The following PFKFB3 variants were observed in gnomAD, a reference collection of about 807,000 sequenced individuals.
PFKFB3 encodes the protein 6-phosphofructo-2-kinase/fructose-2,6-biphosphatase 3, also known as 6-phosphofructo-2-kinase/fructose-2,6-bisphosphatase 3.
PFKFB3 carries 33 observed loss-of-function variants against 68.0 expected under a neutral mutation model. The ratio of observed to expected loss-of-function variants is 0.49; its 90% CI spans 0.37 to 0.65. The LOEUF (loss-of-function observed/expected upper bound fraction) is 0.65, where lower values mean the gene tolerates loss of function less well. Ranked by LOEUF, PFKFB3 falls within the 30% of genes least tolerant of loss-of-function variation. The pLI is 0.00. For synonymous variants in PFKFB3, 315 were observed against 288.2 expected, an observed-to-expected ratio of 1.09 and a Z score of -0.94; for missense variants, 586 against 712.2, an observed-to-expected ratio of 0.82 and a Z score of 2.02.
intron 1 of PFKFB3, among the ~76,000 whole-genome samples, chr10:6,192,357 T>A (rs542170906): frequency 7.2e-6 from 1 of 138,950 alleles, no homozygotes; most frequent in Admixed American, 7.9e-5. Context: ...CGTTTTTTTT[T>A]TCTTTCTTCT....
At chr10:6,294,849 T>C in the PFKFB3 span, among the ~76,000 whole-genome samples, 1 of 152,360 alleles carries the variant, frequency 6.6e-6, no homozygotes, top group South Asian at 2.1e-4. Flanking sequence ...GTCCAACTTT[T>C]CCATTAGAGC....
At chr10:6,177,438 C>CTCTTTTTCTTTCTT (rs1554842949) in intron 1 of PFKFB3, among the ~76,000 whole-genome samples, 4 of 86,628 alleles carry the variant, frequency 4.6e-5, no homozygotes, top group Admixed American at 1.5e-4. Context: ...TCTTTTCTTT[C>CTCTTTTTCTTTCTT]TCTTTCTTTC....
intron 1 of PFKFB3, among the ~76,000 whole-genome samples, chr10:6,175,585 G>A (rs888827124): frequency 3.3e-5 from 5 of 152,106 alleles, no homozygotes; most frequent in Admixed American, 6.6e-5. Flanking sequence ...GCTCTTATCC[G>A]GGAACAGTGT....
At chr10:6,312,362 C>T in the PFKFB3 span, among the ~76,000 whole-genome samples, 1 of 152,128 alleles carries the variant, frequency 6.6e-6, no homozygotes, top group African/African-American at 2.4e-5. Flanking sequence ...CTGTCCTCAT[C>T]TCTCACCACT....
intron 1 of PFKFB3, among the ~76,000 whole-genome samples, chr10:6,182,569 G>A (rs1171074348): frequency 1.3e-5 from 2 of 152,248 alleles, no homozygotes; most frequent in Non-Finnish European, 2.9e-5. Context: ...TTCATCACAA[G>A]TGCAAAGCTT....
At position 6,228,323 on chromosome 10, in the gene PFKFB3, T is replaced by C. The variant is rs1049135109; in HGVS notation, c.1515+1958T>C. ...ATTGAGGATGAGAGCAGTTTTGTGA[T>C]GTGAGGTCTTCCGTGGGGGAAGGAG... On this transcript the variant is annotated intron_variant, in intron 14 of 14. Coordinates refer to ENST00000379775, the MANE Select transcript of PFKFB3 (RefSeq NM_004566.4). This position sits in a 1 kb window ranked among gnomAD's most constrained non-coding sequence, Gnocchi z 4.5. The C allele has an allele frequency of 8.9e-6, 11 of 1,242,084 alleles. No individual in the cohort carries two copies. Among genetic ancestry groups the C allele is most frequent in the East Asian group, 7.0e-5 (3 of 43,140 alleles). The allele number at this position is 1,242,084 out of a possible 1,614,324, so 76.9% of individuals were successfully genotyped here. A position where few individuals can be genotyped will look rare whatever the true frequency, so the allele number is the denominator to read the frequency against.
At chr10:6,326,560 G>A in the PFKFB3 span, 1 of 456,062 alleles carries the variant, frequency 2.2e-6, no homozygotes, top group Non-Finnish European at 4.4e-6. Flanking sequence ...GGAGTTACCA[G>A]TAAGGAGCTC....
At chr10:6,303,997 A>G in the PFKFB3 span, among the ~76,000 whole-genome samples, 1 of 152,054 alleles carries the variant, frequency 6.6e-6, no homozygotes, top group East Asian at 1.9e-4. Flanking sequence ...GACGGCAGAG[A>G]CACAAGATGA....
intron 1 of PFKFB3, among the ~76,000 whole-genome samples, chr10:6,194,679 G>C (rs1464198353): frequency 2.0e-5 from 3 of 152,160 alleles, no homozygotes; most frequent in Non-Finnish European, 4.4e-5. Context: ...AGGATCCCAG[G>C]ACTCTTCAAC....
intron 1 of PFKFB3, among the ~76,000 whole-genome samples, chr10:6,183,161 C>G (rs1480275620): frequency 3.3e-5 from 5 of 152,206 alleles, no homozygotes; most frequent in African/African-American, 9.6e-5. Context: ...ATCCAATCTT[C>G]TTTCAGAAGA....
chr10:6,177,308 A>G (rs1477523492), intron 1 of PFKFB3, among the ~76,000 whole-genome samples: 2 of 151,886 alleles, frequency 1.3e-5, no homozygotes, highest in South Asian at 2.1e-4. Flanking sequence ...TCTTACACAT[A>G]GTAGAGGTCA....
the PFKFB3 span, among the ~76,000 whole-genome samples, chr10:6,287,794 C>A: frequency 6.6e-6 from 1 of 152,018 alleles, no homozygotes; most frequent in Non-Finnish European, 1.5e-5. Flanking sequence ...TTATTTTGAA[C>A]AAACTGCTAT....
upstream of PFKFB3, among the ~76,000 whole-genome samples, chr10:6,200,609 C>T (rs1843305634): frequency 7.4e-6 from 1 of 135,712 alleles, no homozygotes; most frequent in Non-Finnish European, 1.5e-5. Flanking sequence ...AACAGGTGTG[C>T]ATTCGTCCTT....
At chr10:6,177,476 C>CTTTCTTTCTTTCTTTCTT (rs1458409795) in intron 1 of PFKFB3, among the ~76,000 whole-genome samples, 2 of 118,896 alleles carry the variant, frequency 1.7e-5, no homozygotes, top group African/African-American at 3.0e-5. Flanking sequence ...TTCTTTCTTT[C>CTTTCTTTCTTTCTTTCTT]TTTCTTTCTT....
rs1027704141 is a variant in PFKFB3 at position 6,156,147 on chromosome 10, G to A, written c.16+11134G>A. 5.9e-5 allele frequency among the ~76,000 whole-genome samples: 9 copies of A among 151,850 alleles called. No individual in the cohort carries two copies. The South Asian group carries it at 8.3e-4, about 14-fold the overall frequency. ...CATATATATGTGTGTGTGTGTGTGT[G>A]TGTGTGTGTGTGTGTGTATTTTTAG... On this transcript the variant is annotated intron_variant, in intron 1 of 14. Coordinates refer to the PFKFB3 transcript ENST00000379789.
chr10:6,213,623 C>T lies in PFKFB3; in HGVS notation c.77C>T (p.Ser26Phe), dbSNP rs758028195. 6.2e-7 allele frequency: 1 copy of T among 1,610,504 alleles called. No individual in the cohort carries two copies. Among genetic ancestry groups the T allele is most frequent in the Non-Finnish European group, 8.5e-7 (1 of 1,178,288 alleles). ...ACACCCTTCTTGCTTGTTTTTCCAGCCTGTGGGCCAAAGCTGACCAACTCC... is the reference window on the plus strand; with the variant it reads ...ACACCCTTCTTGCTTGTTTTTCCAGTCTGTGGGCCAAAGCTGACCAACTCC... ...PVDHRPSLPR[S>F]CGPKLTNSPT... The change falls in exon 2 of 15, where the codon TCC (serine) becomes TTC (phenylalanine). Residue 26 changes from serine to phenylalanine, a missense_variant and splice_region_variant. By Grantham distance (155) the Ser-to-Phe change is radical. Transcript: ENST00000379775.
rs565268380 is a variant in PFKFB3, at chr10:6,220,450, G to A, written c.624-208G>A. 6.6e-6 allele frequency among the ~76,000 whole-genome samples: 1 copy of A among 152,242 alleles called. No homozygotes were observed. Among genetic ancestry groups the A allele is most frequent in the East Asian group, 1.9e-4 (1 of 5,188 alleles). ...TTTCTTTTTTCTCCCCCTTTTCTGG[G>A]AGGCAGGCCAGCCTCACAGCCAGAC... On this transcript the variant is annotated intron_variant, in intron 7 of 14. Transcript: ENST00000379775. The surrounding 1 kb of genome is among the most constrained non-coding windows in gnomAD (Gnocchi z 4.1).
intron 14 of PFKFB3, among the ~76,000 whole-genome samples, chr10:6,226,955 G>A (rs1484281362): frequency 1.3e-5 from 2 of 152,030 alleles, no homozygotes; most frequent in African/African-American, 2.4e-5. Context: ...GTGTGGAGGC[G>A]GGCGCCTGTA....
upstream of PFKFB3, among the ~76,000 whole-genome samples, chr10:6,199,198 C>G (rs1843253554): frequency 6.6e-6 from 1 of 152,214 alleles, no homozygotes; most frequent in African/African-American, 2.4e-5. Flanking sequence ...TGATTGCTCC[C>G]AGACTACCAT....
Sources: allele counts gnomAD v4.1 joint callset (sites outside exome capture counted in the v4.1 genomes callset), GRCh38; gene constraint gnomAD v4.1.1; non-coding constraint Gnocchi (gnomAD v3.1); transcripts MANE v1.5; gene names NCBI Gene and HGNC (gene_info 2026-07-23, HGNC 2026-07-21).